Variants in RAB31 observed in about 807,000 individuals in gnomAD.
RAB31 encodes RAB31, member RAS oncogene family.
RAB31 carries 21 observed loss-of-function variants against 25.6 expected under a neutral mutation model. That is an observed-to-expected ratio of 0.82 (90% CI 0.58 to 1.18). The LOEUF is 1.18. Ranked by LOEUF, RAB31 falls within the 50% of genes most tolerant of loss-of-function variation. The pLI, the probability that RAB31 is intolerant of heterozygous loss-of-function variation, is 0.00. For synonymous variants in RAB31, 87 were observed against 84.0 expected, an observed-to-expected ratio of 1.04 and a Z score of -0.20; for missense variants, 196 against 250.1, an observed-to-expected ratio of 0.78 and a Z score of 1.46.
At position 9,862,097 on chromosome 18, in the gene RAB31, G is replaced by C. The variant is rs1474451372; in HGVS notation, c.*2772G>C. The C allele has an allele frequency of 1.3e-5, 2 of 152,668 alleles. No individual in the cohort carries two copies. The highest frequency in any genetic ancestry group is 2.9e-5 in the Non-Finnish European group (2 of 68,050). The allele number at this position is 152,668 out of a possible 1,614,324, so 9.5% of individuals were successfully genotyped here. A position where few individuals can be genotyped will look rare whatever the true frequency, so the allele number is the denominator to read the frequency against. On this transcript the variant is annotated 3_prime_UTR_variant, in exon 7 of 7. Transcript: ENST00000578921. The stretch of plus-strand genomic sequence containing the variant: ...AAACTGAGTTCATTTTCTGAGAAAG[G>C]TTTGGATGACTGAAATATTTCCTCT...
At chr18:9,776,808 G>A (rs74442930) in intron 2 of RAB31, among the ~76,000 whole-genome samples, 1,744 of 152,276 alleles carry the variant, frequency 0.011, 38 homozygotes, top group African/African-American at 0.04. Context: ...GGGGCAGTGA[G>A]CACATCTGTC....
At position 9,766,308 on chromosome 18, in the gene RAB31, T is replaced by A. The variant is rs1160663981; in HGVS notation, c.40-8970T>A. Among the ~76,000 whole-genome samples the A allele has an allele frequency of 6.6e-6, 1 of 152,172 alleles. No homozygotes were observed. The highest frequency in any genetic ancestry group is 1.9e-4 in the East Asian group (1 of 5,160). On this transcript the variant is annotated intron_variant, in intron 1 of 6. Coordinates refer to ENST00000578921, the MANE Select transcript of RAB31 (RefSeq NM_006868.4). The surrounding 1 kb of genome is among the most constrained non-coding windows in gnomAD (Gnocchi z 4.3). ...CTTCCTGCGTGACCTCATCTCTGCA[T>A]CTGCGAGCTCCATCTGCCCCCGGAG...
intron 3 of RAB31, among the ~76,000 whole-genome samples, chr18:9,810,478 G>A (rs543272752): frequency 1.4e-4 from 22 of 152,246 alleles, no homozygotes; most frequent in African/African-American, 5.3e-4. Context: ...TCACCCTTTG[G>A]TCAATGCATT....
chr18:9,848,430 A>G (rs1223836241), intron 6 of RAB31, among the ~76,000 whole-genome samples: 5 of 152,014 alleles, frequency 3.3e-5, no homozygotes, highest in Admixed American at 3.3e-4. Flanking sequence ...CCATCTGTCC[A>G]TCTGTCCGCC....
intron 5 of RAB31, among the ~76,000 whole-genome samples, chr18:9,844,454 C>T (rs1022690224): frequency 2.6e-5 from 4 of 152,176 alleles, no homozygotes; most frequent in Non-Finnish European, 4.4e-5. Flanking sequence ...TTAAGGTGAC[C>T]ACCTCTGGGC....
chr18:9,826,555 T>C (rs1431125625), intron 5 of RAB31, among the ~76,000 whole-genome samples: 1 of 152,130 alleles, frequency 6.6e-6, no homozygotes, highest in East Asian at 1.9e-4. Context: ...TGTGATTGGG[T>C]TCAAATTAAT....
In RAB31 at chr18:9,724,270, C is replaced by CAA. The variant is rs762384582; in HGVS notation, c.39+15842_39+15843dup. Among the ~76,000 whole-genome samples, 95 of 35,644 alleles carry CAA rather than the reference C, an allele frequency of 2.7e-3. 1 individual carries two copies. Among genetic ancestry groups the CAA allele is most frequent in the African/African-American group, 5.2e-3 (36 of 6,984 alleles). 23.4% of individuals were successfully genotyped at this position (35,644 alleles called of 152,430 possible). ...TGGGCGACAGAGCGAGACTCCGTCT[C>CAA]AAAAAAAAAAAAAAAAACAAAAAAA... On this transcript the variant is annotated intron_variant, in intron 1 of 6. Coordinates refer to ENST00000578921, the MANE Select transcript of RAB31 (RefSeq NM_006868.4).
intron 1 of RAB31, among the ~76,000 whole-genome samples, chr18:9,759,627 C>T (rs1012411852): frequency 6.6e-6 from 1 of 151,958 alleles, no homozygotes; most frequent in Non-Finnish European, 1.5e-5. Flanking sequence ...TTCTAAGCCT[C>T]ATCCCAGAGG....
chr18:9,843,474 A>G (rs1043899253), intron 5 of RAB31, among the ~76,000 whole-genome samples: 6 of 137,950 alleles, frequency 4.3e-5, no homozygotes, highest in Admixed American at 2.4e-4. Flanking sequence ...TGAACCCGGG[A>G]GGCGGAGGTT....
At chr18:9,749,586 G>C (rs1453158435) in intron 1 of RAB31, among the ~76,000 whole-genome samples, 1 of 152,106 alleles carries the variant, frequency 6.6e-6, no homozygotes, top group Admixed American at 6.6e-5. Context: ...TCACATTTCG[G>C]TCTCCCAGGG....
At chr18:9,835,072 T>A (rs1158318734) in intron 5 of RAB31, among the ~76,000 whole-genome samples, 3 of 152,178 alleles carry the variant, frequency 2.0e-5, no homozygotes, top group African/African-American at 7.2e-5. Flanking sequence ...GAAGTTAATA[T>A]CCTCTTCGTA....
chr18:9,793,355 G>T (rs1240290138), intron 3 of RAB31, among the ~76,000 whole-genome samples: 2 of 152,154 alleles, frequency 1.3e-5, no homozygotes, highest in Non-Finnish European at 2.9e-5. Flanking sequence ...TGGGATTGCA[G>T]GTGTCAGTCA....
chr18:9,832,511 G>A (rs576936947), intron 5 of RAB31, among the ~76,000 whole-genome samples: 1 of 152,318 alleles, frequency 6.6e-6, no homozygotes, highest in South Asian at 2.1e-4. Context: ...ATTACGAGAC[G>A]GAAGCAACGC....
At chr18:9,814,897 A>T in intron 4 of RAB31, 1 of 379,490 alleles carries the variant, frequency 2.6e-6, no homozygotes, top group Non-Finnish European at 4.8e-6. Flanking sequence ...TGATTTTCTT[A>T]ACTAGATCAA....
intron 6 of RAB31, among the ~76,000 whole-genome samples, chr18:9,852,417 A>G (rs899298772): frequency 6.6e-6 from 1 of 152,258 alleles, no homozygotes; most frequent in South Asian, 2.1e-4. Flanking sequence ...ATTTGTTTAC[A>G]TCAGAATGGA....
chr18:9,823,027 C>T (rs556183970), intron 5 of RAB31, among the ~76,000 whole-genome samples: 15 of 152,236 alleles, frequency 9.9e-5, no homozygotes, highest in Middle Eastern at 3.4e-3. Flanking sequence ...CCTTCAGTTA[C>T]GAATGGCTAA....
chr18:9,757,070 T>A (rs2068263711), intron 1 of RAB31, among the ~76,000 whole-genome samples: 1 of 152,198 alleles, frequency 6.6e-6, no homozygotes, highest in Non-Finnish European at 1.5e-5. Flanking sequence ...GGTGGGCATG[T>A]CAGTATGAGT....
In RAB31 at chr18:9,748,343, C is replaced by T. The variant is rs534649961; in HGVS notation, c.40-26935C>T. ...GAGACCCTATCTCTACCCCCTACCC[C>T]CAAATAATAATAATTAGCCAGGCAT... is the stretch of plus-strand genomic sequence containing the variant. On this transcript the variant is annotated intron_variant, in intron 1 of 6. Coordinates refer to ENST00000578921, the MANE Select transcript of RAB31 (RefSeq NM_006868.4). 4.0e-5 allele frequency among the ~76,000 whole-genome samples: 6 copies of T among 151,358 alleles called. No homozygotes were observed. In the South Asian group the frequency reaches 1.3e-3, roughly 32 times the overall value.
intron 1 of RAB31, among the ~76,000 whole-genome samples, chr18:9,772,850 C>T (rs1246819291): frequency 1.3e-5 from 2 of 152,088 alleles, no homozygotes; most frequent in Non-Finnish European, 2.9e-5. Flanking sequence ...ACGTGGGCTA[C>T]AGTCTGGCAA....
Sources: allele counts gnomAD v4.1 joint callset (sites outside exome capture counted in the v4.1 genomes callset), GRCh38; gene constraint gnomAD v4.1.1; non-coding constraint Gnocchi (gnomAD v3.1); transcripts MANE v1.5; gene names NCBI Gene and HGNC (gene_info 2026-07-23, HGNC 2026-07-21).